Variants in DYNC1H1 observed in about 807,000 individuals in gnomAD.
DYNC1H1 encodes dynein cytoplasmic 1 heavy chain 1.
A neutral mutation model predicts 527.1 loss-of-function variants in DYNC1H1; 51 were observed. The ratio of observed to expected loss-of-function variants is 0.10; its 90% CI spans 0.08 to 0.12. DYNC1H1 has a LOEUF of 0.12. DYNC1H1 is among the 10% of genes least tolerant of loss of function. The pLI is 1.00. For missense variants in DYNC1H1, 2,771 were observed against 5,971.8 expected, an observed-to-expected ratio of 0.46 and a Z score of 17.66; for synonymous variants, 2,189 against 2,278.8, an observed-to-expected ratio of 0.96 and a Z score of 1.12.
At chr14:102,009,564 A>G (rs1396780859) in intron 29 of DYNC1H1, 1 of 445,618 alleles carries the variant, frequency 2.2e-6, no homozygotes, top group Non-Finnish European at 4.1e-6. Flanking sequence ...TCTCCATGAC[A>G]CTCAGGTGTG....
rs376420321 is a variant in DYNC1H1 at position 102,044,355 on chromosome 14, G to A, written c.12766G>A (p.Val4256Met). Residue 4256 changes from valine (V) to methionine (M), a missense_variant, in exon 71 of 78, where the codon GTG (valine) becomes ATG (methionine). Physicochemically the swap from Val to Met is conservative, Grantham distance 21. Around this residue, in one of 32 missense-constraint regions of DYNC1H1, gnomAD observed 195 missense variants for 428.6 expected, o/e 0.45. Transcript: ENST00000360184. The surrounding 1 kb of genome is among the most constrained non-coding windows in gnomAD (Gnocchi z 7.1). ...LMAQSIYGGR[V>M]DNEFDQRLLN... ...GGCCCAGTCCATTTATGGCGGGCGC[G>A]TGGACAACGAGTTTGACCAGCGTCT... The A allele has an allele frequency of 3.1e-6, 5 of 1,613,788 alleles. No homozygotes were observed. Among genetic ancestry groups the A allele is most frequent in the East Asian group, 2.2e-5 (1 of 44,878 alleles).
intron 1 of DYNC1H1, 42 bp from the exon 2 acceptor site, chr14:101,975,670 G>C (rs1158759847): frequency 6.4e-7 from 1 of 1,551,116 alleles, no homozygotes; most frequent in Non-Finnish European, 8.9e-7. Context: ...TAAGAAATTG[G>C]AAATGTTGAT....
In DYNC1H1 at chr14:102,044,340, A is replaced by C. The variant is rs1467036408; in HGVS notation, c.12751A>C (p.Ile4251Leu). 6.2e-7 allele frequency: 1 copy of C among 1,614,218 alleles called. No homozygotes were observed. Among genetic ancestry groups the C allele is most frequent in the Non-Finnish European group, 8.5e-7 (1 of 1,180,044 alleles). Residue 4251 changes from isoleucine (I) to leucine (L), a missense_variant, in exon 71 of 78, where the codon ATT becomes CTT. Coordinates refer to ENST00000360184, the MANE Select transcript of DYNC1H1 (RefSeq NM_001376.5). The surrounding 1 kb of genome is among the most constrained non-coding windows in gnomAD (Gnocchi z 7.1). ...ACTAAAGACCTTAATGGCCCAGTCCATTTATGGCGGGCGCGTGGACAACGA... is the reference window on the plus strand; with the variant it reads ...ACTAAAGACCTTAATGGCCCAGTCCCTTTATGGCGGGCGCGTGGACAACGA... ...SALKTLMAQS[I>L]YGGRVDNEFD...
Position 102,033,014 on chromosome 14 carries a change from T to C in DYNC1H1, c.10080-51T>C, listed in dbSNP as rs143607761. ...TTCCATTTTAATTTTATGAAAACTC[T>C]TCCTTGCTTTTGTCCTGCATGTGTT... On this transcript the variant is annotated intron_variant, in intron 52 of 77. Transcript: ENST00000360184. This position sits in a 1 kb window ranked among gnomAD's most constrained non-coding sequence, Gnocchi z 5.6. 226 of 1,571,108 alleles carry C rather than the reference T, an allele frequency of 1.4e-4. No homozygotes were observed. The highest frequency in any genetic ancestry group is 1.9e-4 in the Non-Finnish European group (214 of 1,141,214).
Position 102,005,911 on chromosome 14 carries a change from A to G in DYNC1H1, c.5457A>G (p.Arg1819=), listed in dbSNP as rs780803791. 2 of 1,614,230 alleles carry G rather than the reference A, an allele frequency of 1.2e-6. No homozygotes were observed. Among genetic ancestry groups the G allele is most frequent in the Admixed American group, 3.3e-5 (2 of 60,018 alleles). ...EHLITELVHQ[R]DVTRSLIKSK... is the part of the protein sequence containing the mutation. ...AGATTACAGAGTTGGTTCACCAGAG[A>G]GATGTTACAAGGTCCTTGATCAAAA... The change falls in exon 27 of 78, where the codon AGA becomes AGG. Residue 1819 remains arginine, a synonymous_variant. Transcript: ENST00000360184. The surrounding 1 kb of genome is among the most constrained non-coding windows in gnomAD (Gnocchi z 4.0).
rs886050374 is a variant in DYNC1H1, at chr14:102,036,577, C to T, written c.10843C>T (p.Leu3615=). The T allele has an allele frequency of 1.2e-6, 2 of 1,614,194 alleles. No individual in the cohort carries two copies. Among genetic ancestry groups the T allele is most frequent in the East Asian group, 4.5e-5 (2 of 44,886 alleles). The change falls in exon 57 of 78, where the codon CTG becomes TTG. Residue 3615 remains leucine, a synonymous_variant. Coordinates refer to ENST00000360184, the MANE Select transcript of DYNC1H1 (RefSeq NM_001376.5). The surrounding 1 kb of genome is among the most constrained non-coding windows in gnomAD (Gnocchi z 5.6). ...KDRKITRTSF[L]DDAFRKNLES... is the part of the protein sequence containing the mutation. ...TCGTAAGATCACACGGACCAGCTTC[C>T]TGGATGACGCCTTCAGAAAGAACTT...
chr14:102,012,254 C>T lies in DYNC1H1; in HGVS notation c.6858-60C>T. ...CATTTCAGAAACCATCATCGGTAAA[C>T]ATGCCTAATGTTAAAATCTTGATTT... On this transcript the variant is annotated intron_variant, in intron 33 of 77. Transcript: ENST00000360184. The surrounding 1 kb of genome is among the most constrained non-coding windows in gnomAD (Gnocchi z 4.9). 1.2e-6 allele frequency: 2 copies of T among 1,613,452 alleles called. No homozygotes were observed. The highest frequency in any genetic ancestry group is 2.2e-5 in the South Asian group (2 of 91,026).
At chr14:102,009,209 G>T in intron 29 of DYNC1H1, 1 of 154,234 alleles carries the variant, frequency 6.5e-6, no homozygotes. Flanking sequence ...CAAACATTTG[G>T]GTATTGGGTA....
intron 11 of DYNC1H1, among the ~76,000 whole-genome samples, chr14:101,991,875 G>A (rs1165612293): frequency 6.6e-6 from 1 of 152,104 alleles, no homozygotes; most frequent in Admixed American, 6.6e-5. Context: ...CTTGGTCTCA[G>A]TAGTTTCTTC....
Position 102,017,425 on chromosome 14 carries a change from T to A in DYNC1H1, c.8098T>A (p.Trp2700Arg). ...CTTTTACCGTACCTCAGATCAAACA[T>A]GGGTGAAGCTGGAGAGAATCCAGTT... ...GGFYRTSDQTWVKLERIQFVG... is the reference protein window; with the variant it reads ...GGFYRTSDQTRVKLERIQFVG... The change falls in exon 40 of 78, where the codon TGG becomes AGG. Residue 2700 changes from tryptophan to arginine, a missense_variant. Physicochemically the swap from Trp to Arg is moderately radical, Grantham distance 101 (BLOSUM62 -3). Coordinates refer to ENST00000360184, the MANE Select transcript of DYNC1H1 (RefSeq NM_001376.5). The surrounding 1 kb of genome is among the most constrained non-coding windows in gnomAD (Gnocchi z 4.6). 6.2e-7 allele frequency: 1 copy of A among 1,614,214 alleles called. No individual in the cohort carries two copies. Among genetic ancestry groups the A allele is most frequent in the Non-Finnish European group, 8.5e-7 (1 of 1,180,028 alleles).
intron 43 of DYNC1H1, among the ~76,000 whole-genome samples, chr14:102,026,242 T>A (rs930194402): frequency 1.3e-5 from 2 of 152,214 alleles, no homozygotes; most frequent in African/African-American, 4.8e-5. Context: ...CCACTGAGAT[T>A]TTGACTGGGA....
Position 102,016,472 on chromosome 14 carries a change from C to G in DYNC1H1, c.7597C>G (p.Pro2533Ala). 6.2e-7 allele frequency: 1 copy of G among 1,614,126 alleles called. No individual in the cohort carries two copies. The highest frequency in any genetic ancestry group is 2.2e-5 in the East Asian group (1 of 44,884). The change falls in exon 37 of 78, where the codon CCC becomes GCC. Residue 2533 changes from proline to alanine, a missense_variant. Pro to Ala is a conservative substitution (Grantham distance 27). Around this residue, in one of 32 missense-constraint regions of DYNC1H1, gnomAD observed 71 missense variants for 143.6 expected, o/e 0.49. Coordinates refer to ENST00000360184, the MANE Select transcript of DYNC1H1 (RefSeq NM_001376.5). The surrounding 1 kb of genome is among the most constrained non-coding windows in gnomAD (Gnocchi z 7.3). ...TVPLPTAPNI[P>A]IIDYEVSISG... ...GCCTCTGCCCACTGCGCCCAACATACCCATTATCGATTATGAGGTGAGCAT... is the reference window on the plus strand; with the variant it reads ...GCCTCTGCCCACTGCGCCCAACATAGCCATTATCGATTATGAGGTGAGCAT...
At position 102,039,140 on chromosome 14, in the gene DYNC1H1, G is replaced by A. The variant is rs2152594975; in HGVS notation, c.11346G>A (p.Arg3782=). The change falls in exon 60 of 78, where the codon AGG becomes AGA. Residue 3782 remains arginine, a synonymous_variant. Coordinates refer to ENST00000360184, the MANE Select transcript of DYNC1H1 (RefSeq NM_001376.5). The surrounding 1 kb of genome is among the most constrained non-coding windows in gnomAD (Gnocchi z 7.0). ...AGAGAGAGGCTGCAGAGGTCACCAG[G>A]AAAGTTGAGGAGACGGACATTGTCA... ...NLKREAAEVT[R]KVEETDIVMQ... 2 of 1,614,188 alleles carry A rather than the reference G, an allele frequency of 1.2e-6. No homozygotes were observed. Among genetic ancestry groups the A allele is most frequent in the Non-Finnish European group, 1.7e-6 (2 of 1,180,026 alleles).
At chr14:101,989,100 A>G (rs971677609) in intron 10 of DYNC1H1, among the ~76,000 whole-genome samples, 2 of 152,142 alleles carry the variant, frequency 1.3e-5, no homozygotes, top group African/African-American at 2.4e-5. Flanking sequence ...AGATGTTAAC[A>G]TTGGAGAAAG....
intron 52 of DYNC1H1, 196 bp from the exon 53 acceptor site, chr14:102,032,869 G>GAAAA (rs745824059): frequency 6.7e-5 from 42 of 628,822 alleles, no homozygotes; most frequent in East Asian, 3.0e-4. Context: ...AAAGAAGAAA[G>GAAAA]AAAAAAATTG....
chr14:102,031,812 G>T (rs943511607), intron 51 of DYNC1H1, among the ~76,000 whole-genome samples: 5 of 152,102 alleles, frequency 3.3e-5, no homozygotes, highest in Admixed American at 2.0e-4. Context: ...AAATTAGCTG[G>T]GCGTGGTGGT....
At position 101,986,837 on chromosome 14, in the gene DYNC1H1, T is replaced by A; in HGVS notation, c.2538+74T>A. ...GTAATAGCGAGCTCAGTTAAAACACTAGTTCTCCCGAAGAAGGCATGCATG... is the reference window on the plus strand; with the variant it reads ...GTAATAGCGAGCTCAGTTAAAACACAAGTTCTCCCGAAGAAGGCATGCATG... On this transcript the variant is annotated intron_variant, in intron 8 of 77. Coordinates refer to ENST00000360184, the MANE Select transcript of DYNC1H1 (RefSeq NM_001376.5). This position sits in a 1 kb window ranked among gnomAD's most constrained non-coding sequence, Gnocchi z 8.7. 6.5e-7 allele frequency: 1 copy of A among 1,541,452 alleles called. No homozygotes were observed. Among genetic ancestry groups the A allele is most frequent in the East Asian group, 2.2e-5 (1 of 44,506 alleles).
At chr14:102,021,956 C>T (rs1229820831) in intron 42 of DYNC1H1, among the ~76,000 whole-genome samples, 2 of 151,994 alleles carry the variant, frequency 1.3e-5, no homozygotes, top group East Asian at 1.9e-4. Context: ...ACCAGCATAG[C>T]GAAACCCCAT....
chr14:101,975,489 T>C (rs1051361095), intron 1 of DYNC1H1, among the ~76,000 whole-genome samples: 3 of 152,132 alleles, frequency 2.0e-5, no homozygotes, highest in Non-Finnish European at 4.4e-5. Context: ...AGCCCTGGCA[T>C]GCTCACGCTA....
Sources: gnomAD v4.1 joint callset for allele counts (sites outside exome capture counted in the v4.1 genomes callset) on GRCh38, gnomAD v4.1.1 for gene constraint, gnomAD v4.1.1 regional missense constraint, Gnocchi (gnomAD v3.1) non-coding constraint, MANE v1.5 for transcripts, NCBI Gene and HGNC (gene_info 2026-07-23, HGNC 2026-07-21) for gene names.